The following TMEM165 variants were observed in gnomAD, a reference collection of about 807,000 sequenced individuals.
TMEM165 encodes transmembrane protein 165, also known as putative divalent cation/proton antiporter TMEM165.
A neutral mutation model predicts 30.0 loss-of-function variants in TMEM165; 19 were observed. The observed-to-expected ratio is 0.63, with a 90% confidence interval of 0.44 to 0.93. TMEM165 has a LOEUF of 0.93. Ranked by LOEUF, TMEM165 falls within the 40% of genes least tolerant of loss-of-function variation. TMEM165 has a pLI of 0.00. For synonymous variants in TMEM165, 168 were observed against 162.9 expected (o/e 1.03, Z -0.24); for missense variants, 340 against 417.0 (o/e 0.82, Z 1.61).
At chr4:55,448,832 G>C (rs373151905) in intron 3 of TMEM165, 2 of 1,613,824 alleles carry the variant, frequency 1.2e-6, no homozygotes, top group African/African-American at 2.7e-5. Context: ...ATCACTGGCT[G>C]TGTTAATGAT....
At chr4:55,429,314 T>TAG (rs1722368605), downstream of TMEM165, 1 of 152,178 alleles carries the variant, frequency 6.6e-6, no homozygotes, top group South Asian at 2.1e-4. Flanking sequence ...TAACTACCGT[T>TAG]CTCTAAGTTG....
chr4:55,421,363 C>T (rs1721969669), intron 4 of TMEM165, among the ~76,000 whole-genome samples: 2 of 139,340 alleles, frequency 1.4e-5, no homozygotes, highest in South Asian at 4.6e-4. Flanking sequence ...TGCAGTGGCA[C>T]AATCTCAGCT....
chr4:55,416,005 T>TCACC (rs1186637349), intron 2 of TMEM165: 1 of 151,942 alleles, frequency 6.6e-6, no homozygotes, highest in Non-Finnish European at 1.5e-5. Context: ...AAGGCGTGTG[T>TCACC]CACCCCGTCA....
chr4:55,422,487 A>T (rs1428639053), intron 4 of TMEM165, among the ~76,000 whole-genome samples: 1 of 151,992 alleles, frequency 6.6e-6, no homozygotes, highest in Non-Finnish European at 1.5e-5. Context: ...CAAACTCCCA[A>T]CCTCAGGTGA....
intron 3 of TMEM165, among the ~76,000 whole-genome samples, chr4:55,445,280 C>T (rs62303692): frequency 0.26 from 38,065 of 143,832 alleles, 12,263 homozygotes; most frequent in South Asian, 0.46. Flanking sequence ...ACACCTGCCC[C>T]GGCAGGTGGC....
rs1271705269 is a variant in TMEM165, at chr4:55,438,151, T to G, written c.408+13508T>G. ...CCAACCAGAACAAGCTTTCTATCTT[T>G]GTAGAGATTTAAACTGTACAATAAG... is the stretch of plus-strand genomic sequence containing the variant. On this transcript the variant is annotated intron_variant, in intron 3 of 3. Coordinates refer to the TMEM165 transcript ENST00000608091. 17 of 1,199,956 alleles carry G rather than the reference T, an allele frequency of 1.4e-5. No homozygotes were observed. The South Asian group carries it at 2.3e-4, about 16-fold the overall frequency. The allele number at this position is 1,199,956 out of a possible 1,614,324, so 74.3% of individuals were successfully genotyped here.
At chr4:55,419,216 C>A (rs1721866039) in intron 4 of TMEM165, among the ~76,000 whole-genome samples, 1 of 151,984 alleles carries the variant, frequency 6.6e-6, no homozygotes, top group Non-Finnish European at 1.5e-5. Context: ...GTTTTGAACC[C>A]CTGGCCTGAA....
At chr4:55,440,034 A>T (rs970861056) in intron 3 of TMEM165, among the ~76,000 whole-genome samples, 3 of 151,354 alleles carry the variant, frequency 2.0e-5, no homozygotes, top group South Asian at 2.1e-4. Context: ...TTTAATCTAT[A>T]AAAAAAAACC....
At chr4:55,417,331 C>G in intron 3 of TMEM165, 84 bp downstream of exon 3, 1 of 1,357,694 alleles carries the variant, frequency 7.4e-7, no homozygotes, top group Non-Finnish European at 1.0e-6. Flanking sequence ...GTGGCCCCAT[C>G]TGTGTGATAT....
chr4:55,402,073 G>A (rs1343795041), intron 1 of TMEM165, among the ~76,000 whole-genome samples: 5 of 137,528 alleles, frequency 3.6e-5, no homozygotes, highest in African/African-American at 1.2e-4. Flanking sequence ...AACCAAGATC[G>A]TGCCACTGCC....
rs1167070721 is a variant in TMEM165 at position 55,450,727 on chromosome 4, CCA to C, written c.409-1510_409-1509del. ...GAGGATGTAGTGAGCCGAGATCCTGCCACTGCATTCCAGCCTGGGCAAAAGAG... is the reference window on the plus strand; with the variant it reads ...GAGGATGTAGTGAGCCGAGATCCTGCCTGCATTCCAGCCTGGGCAAAAGAG... On this transcript the variant is annotated intron_variant, in intron 3 of 3. Coordinates refer to the TMEM165 transcript ENST00000608091. Among the ~76,000 whole-genome samples the C allele has an allele frequency of 5.3e-5, 8 of 151,954 alleles. No individual in the cohort carries two copies. The South Asian group carries it at 1.7e-3, about 32-fold the overall frequency.
intron 2 of TMEM165, among the ~76,000 whole-genome samples, chr4:55,412,393 CAAAAAAAA>C (rs371124857): frequency 1.8e-3 from 100 of 54,382 alleles, no homozygotes; most frequent in African/African-American, 6.9e-3. Context: ...GACTCCATCT[CAAAAAAAA>C]AAAAAAAAAA....
rs757935127 is a variant in TMEM165, at chr4:55,411,860, C to T, written c.433+21C>T. Reference sequence around the variant, plus strand: ...GTCAGGTGAGTGTGCTTTTCCCTCTCATGAGTTCGCTGAATTAAAGGGAAA... The same window carrying T: ...GTCAGGTGAGTGTGCTTTTCCCTCTTATGAGTTCGCTGAATTAAAGGGAAA... On this transcript the variant is annotated intron_variant, in intron 2 of 5. Transcript: ENST00000381334. 2.5e-6 allele frequency: 4 copies of T among 1,607,240 alleles called. No individual in the cohort carries two copies. The South Asian group carries it at 4.4e-5, about 18-fold the overall frequency.
intron 3 of TMEM165, among the ~76,000 whole-genome samples, chr4:55,437,201 A>G (rs1379622229): frequency 6.6e-6 from 1 of 152,230 alleles, no homozygotes; most frequent in Non-Finnish European, 1.5e-5. Context: ...CAAGGATTAT[A>G]TTTGGACCAG....
At chr4:55,418,428 G>A (rs1321819714) in intron 4 of TMEM165, among the ~76,000 whole-genome samples, 2 of 151,898 alleles carry the variant, frequency 1.3e-5, no homozygotes, top group African/African-American at 4.8e-5. Flanking sequence ...GAGGGTTGAG[G>A]TGGGAGGATT....
intron 3 of TMEM165, among the ~76,000 whole-genome samples, chr4:55,451,246 A>C (rs919585665): frequency 6.6e-6 from 1 of 152,194 alleles, no homozygotes; most frequent in Admixed American, 6.5e-5. Context: ...CCAATGAATT[A>C]AATGTTAAAG....
At chr4:55,420,540 G>C (rs1721932217) in intron 4 of TMEM165, among the ~76,000 whole-genome samples, 1 of 152,018 alleles carries the variant, frequency 6.6e-6, no homozygotes, top group Non-Finnish European at 1.5e-5. Context: ...CACACGCAGG[G>C]TATCTAGCAT....
intron 3 of TMEM165, among the ~76,000 whole-genome samples, chr4:55,437,892 A>G (rs1723014777): frequency 6.6e-6 from 1 of 152,262 alleles, no homozygotes; most frequent in Non-Finnish European, 1.5e-5. Context: ...AATTTAAGGT[A>G]ACACCTATAC....
intron 1 of TMEM165, among the ~76,000 whole-genome samples, chr4:55,409,159 C>T (rs938128492): frequency 6.6e-6 from 1 of 152,090 alleles, no homozygotes; most frequent in African/African-American, 2.4e-5. Context: ...CATTGAGAGC[C>T]AGCTGTCAAG....
Sources: allele counts gnomAD v4.1 joint callset (sites outside exome capture counted in the v4.1 genomes callset), GRCh38; gene constraint gnomAD v4.1.1; transcripts MANE v1.5; gene names NCBI Gene and HGNC (gene_info 2026-07-23, HGNC 2026-07-21).